Variants in PI4KB observed in about 807,000 individuals in gnomAD.
The protein encoded by PI4KB is phosphatidylinositol 4-kinase beta.
Under a neutral mutation model 81.4 loss-of-function variants are expected in PI4KB, and 23 were observed. The ratio of observed to expected loss-of-function variants is 0.28; its 90% confidence interval spans 0.20 to 0.40. The LOEUF (loss-of-function observed/expected upper bound fraction) is 0.40, where lower values mean the gene tolerates loss of function less well. Ranked by LOEUF, PI4KB falls within the 10% of genes least tolerant of loss-of-function variation. The pLI is 1.00. For missense variants in PI4KB, 651 were observed against 1,036.6 expected (o/e 0.63, Z 5.11); for synonymous variants, 381 against 406.8 (o/e 0.94, Z 0.76).
At chr1:151,307,850 A>G in intron 3 of PI4KB, 49 bp from the exon 4 acceptor site, 1 of 1,346,430 alleles carries the variant, frequency 7.4e-7, no homozygotes, top group Non-Finnish European at 1.1e-6. Flanking sequence ...ACCATAGAAT[A>G]CAATGGCACA....
At chr1:151,304,154 C>G (rs587678846) in intron 5 of PI4KB, among the ~76,000 whole-genome samples, 1 of 152,296 alleles carries the variant, frequency 6.6e-6, no homozygotes, top group East Asian at 1.9e-4. Context: ...CTACCAGACC[C>G]CAAGGCCCAT....
chr1:151,294,556 T>C lies in PI4KB; in HGVS notation c.2016-15A>G, dbSNP rs747264250. Reference sequence around the variant, plus strand: ...TCCCATTGTGTCTGAGGAGGGGGAATAGAGGAGAGGAAGAGGCAGTAGTCA... The same window carrying C: ...TCCCATTGTGTCTGAGGAGGGGGAACAGAGGAGAGGAAGAGGCAGTAGTCA... On this transcript the variant is annotated splice_polypyrimidine_tract_variant and intron_variant, in intron 9 of 11. Coordinates refer to ENST00000368873, the MANE Select transcript of PI4KB (RefSeq NM_001369623.2). 8.1e-6 allele frequency: 13 copies of C among 1,613,502 alleles called. No homozygotes were observed. Among genetic ancestry groups the C allele is most frequent in the South Asian group, 4.4e-5 (4 of 91,070 alleles).
rs369536713 is a variant in PI4KB at position 151,301,940 on chromosome 1, G to A, written c.1653C>T (p.Gly551=). Residue 551 remains glycine (G), a synonymous_variant, in exon 8 of 12, where the codon GGC becomes GGT. Coordinates refer to ENST00000368873, the MANE Select transcript of PI4KB (RefSeq NM_001369623.2). ...VRRIREGSPY[G]HLPNWRLLSV... ...ACAGGAGCCGCCAATTGGGGAGATG[G>A]CCGTAGGGGGAGCCCTCTCTGATCC... 3.8e-5 allele frequency: 62 copies of A among 1,613,812 alleles called. No individual in the cohort carries two copies. The African/African-American group carries it at 7.9e-4, about 20-fold the overall frequency.
chr1:151,301,845 T>A lies in PI4KB; in HGVS notation c.1748A>T (p.Gln583Leu), dbSNP rs760216451. ...TGGCCTCTCCTTCTCTTCTCTTACCTGCAGTTGCTTCAACACCTGAAAGGC... is the reference window on the plus strand; with the variant it reads ...TGGCCTCTCCTTCTCTTCTCTTACCAGCAGTTGCTTCAACACCTGAAAGGC... ...LLAFQVLKQL[Q>L]SIWEQERVPL... Residue 583 changes from glutamine to leucine, a missense_variant and splice_region_variant, in exon 8 of 12, where the codon CAG (glutamine) becomes CTG (leucine). Transcript: ENST00000368873. The A allele has an allele frequency of 3.7e-6, 6 of 1,613,682 alleles. No homozygotes were observed. The highest frequency in any genetic ancestry group is 4.2e-6 in the Non-Finnish European group (5 of 1,179,894).
intron 9 of PI4KB, 21 bp from the exon 10 acceptor site, chr1:151,294,562 A>C: frequency 6.2e-7 from 1 of 1,613,398 alleles, no homozygotes; most frequent in South Asian, 1.1e-5. Flanking sequence ...GGAATAGAGG[A>C]GAGGAAGAGG....
chr1:151,301,490 C>T (rs1165468832), intron 8 of PI4KB, among the ~76,000 whole-genome samples: 1 of 152,134 alleles, frequency 6.6e-6, no homozygotes, highest in African/African-American at 2.4e-5. Flanking sequence ...CTCCGCCTCC[C>T]GGGCTCACGC....
At chr1:151,307,902 T>C (rs1472181962) in intron 3 of PI4KB, 101 bp from the exon 4 acceptor site, 2 of 835,212 alleles carry the variant, frequency 2.4e-6, no homozygotes, top group African/African-American at 1.7e-5. Context: ...GGGACCCCAC[T>C]ATCTGGAGAA....
chr1:151,308,325 CA>C (rs1381393137), intron 3 of PI4KB, among the ~76,000 whole-genome samples: 4 of 152,212 alleles, frequency 2.6e-5, no homozygotes, highest in African/African-American at 9.6e-5. Context: ...GCTCGTCATT[CA>C]AATTACTTCT....
At chr1:151,299,639 A>C (rs1395404371) in intron 8 of PI4KB, among the ~76,000 whole-genome samples, 1 of 152,052 alleles carries the variant, frequency 6.6e-6, no homozygotes, top group East Asian at 1.9e-4. Context: ...GCAGTGAGCC[A>C]AGATTGCACC....
At chr1:151,326,205 C>A in intron 1 of PI4KB, 1 of 1,609,174 alleles carries the variant, frequency 6.2e-7, no homozygotes, top group Non-Finnish European at 8.5e-7. Flanking sequence ...GCCTGTTCAT[C>A]CCTCTTAGTG....
At chr1:151,302,577 C>CTTTTTTTTTTT (rs144203698) in intron 6 of PI4KB, among the ~76,000 whole-genome samples, 2 of 133,796 alleles carry the variant, frequency 1.5e-5, no homozygotes, top group Admixed American at 7.7e-5. Context: ...CTTTTCTTTT[C>CTTTTTTTTTTT]TTTTTTTTTT....
intron 9 of PI4KB, among the ~76,000 whole-genome samples, chr1:151,296,754 G>A (rs1271833876): frequency 6.6e-6 from 1 of 151,584 alleles, no homozygotes; most frequent in African/African-American, 2.4e-5. Flanking sequence ...ACAGGCGTGA[G>A]CCACCACACC....
rs139702683 is a variant in PI4KB at position 151,296,758 on chromosome 1, C to G, written c.2015+2050G>C. Among the ~76,000 whole-genome samples the G allele has an allele frequency of 1.3e-3, 201 of 151,356 alleles. 2 individuals carry two copies. Among genetic ancestry groups the G allele is most frequent in the African/African-American group, 4.7e-3 (194 of 41,230 alleles). ...GTGCTGGGATTACAGGCGTGAGCCA[C>G]CACACCCAGCCTAAGACTAATTTTT... On this transcript the variant is annotated intron_variant, in intron 9 of 11. Transcript: ENST00000368873.
At chr1:151,324,735 G>C (rs186579756) in intron 1 of PI4KB, 5 of 984,786 alleles carry the variant, frequency 5.1e-6, no homozygotes, top group Non-Finnish European at 6.0e-6. Context: ...AAAGCAGCCT[G>C]TGCACTCACC....
intron 1 of PI4KB, among the ~76,000 whole-genome samples, chr1:151,320,329 G>A (rs911691293): frequency 3.3e-5 from 5 of 152,136 alleles, no homozygotes; most frequent in South Asian, 2.1e-4. Flanking sequence ...TGCCGCGCCC[G>A]GCCCCAGGTT....
intron 8 of PI4KB, among the ~76,000 whole-genome samples, chr1:151,300,427 A>G (rs897191058): frequency 6.6e-6 from 1 of 152,106 alleles, no homozygotes; most frequent in Non-Finnish European, 1.5e-5. Flanking sequence ...GCTCACATGG[A>G]GAAACCCTAT....
intron 6 of PI4KB, among the ~76,000 whole-genome samples, chr1:151,302,507 C>T (rs1695370332): frequency 6.6e-6 from 1 of 151,916 alleles, no homozygotes; most frequent in South Asian, 2.1e-4. Flanking sequence ...TTACCAGGCC[C>T]TCCATATTCC....
chr1:151,316,830 T>A (rs933946393), intron 1 of PI4KB, among the ~76,000 whole-genome samples: 3 of 152,234 alleles, frequency 2.0e-5, no homozygotes, highest in African/African-American at 7.2e-5. Context: ...GTTGTTGTTG[T>A]TGTTGTTGTT....
chr1:151,313,075 G>A (rs1383138707), intron 2 of PI4KB, among the ~76,000 whole-genome samples: 4 of 152,124 alleles, frequency 2.6e-5, no homozygotes, highest in Non-Finnish European at 5.9e-5. Flanking sequence ...AGGAAGGAAG[G>A]AAGGAAGGAC....
Sources: gnomAD v4.1 joint callset for allele counts (sites outside exome capture counted in the v4.1 genomes callset) on GRCh38, gnomAD v4.1.1 for gene constraint, MANE v1.5 for transcripts, NCBI Gene and HGNC (gene_info 2026-07-23, HGNC 2026-07-21) for gene names.